The following TET1 variants were observed in gnomAD, a reference collection of about 807,000 sequenced individuals.
The protein encoded by TET1 is tet methylcytosine dioxygenase 1.
In TET1, 13 loss-of-function variants were observed where a neutral mutation model predicts 148.7. The ratio of observed to expected loss-of-function variants is 0.09; its 90% CI spans 0.06 to 0.14. The LOEUF is 0.14. TET1 is among the 10% of genes least tolerant of loss of function. The pLI, the probability that TET1 is intolerant of heterozygous loss-of-function variation, is 1.00. For missense variants in TET1, 2,182 were observed against 2,553.8 expected, an observed-to-expected ratio of 0.85 and a Z score of 3.14; for synonymous variants, 907 against 937.2, an observed-to-expected ratio of 0.97 and a Z score of 0.59.
intron 6 of TET1, among the ~76,000 whole-genome samples, chr10:68,665,279 C>T (rs1475708531): frequency 9.9e-5 from 2 of 20,248 alleles, no homozygotes; most frequent in African/African-American, 3.0e-4. Context: ...TCAGTTTACA[C>T]ATACACACAC....
At position 68,690,826 on chromosome 10, in the gene TET1, T is replaced by G; in HGVS notation, c.5423T>G (p.Val1808Gly). The G allele has an allele frequency of 6.2e-7, 1 of 1,609,204 alleles. No homozygotes were observed. Among genetic ancestry groups the G allele is most frequent in the Middle Eastern group, 1.7e-4 (1 of 6,042 alleles). Residue 1808 changes from valine to glycine, a missense_variant, in exon 12 of 12, where the codon GTG becomes GGG. By Grantham distance (109) the Val-to-Gly change is moderately radical. Around this residue, in one of 11 missense-constraint regions of TET1, gnomAD observed 380 missense variants for 387.9 expected, o/e 0.98. Coordinates refer to ENST00000373644, the MANE Select transcript of TET1 (RefSeq NM_030625.3). ...TGTTTAGGGAGTAACACTGAGACCG[T>G]GCAACCTGAAGTAAAAAGTGAAACC... Reference protein sequence around the residue: ...LPTLGSNTETVQPEVKSETEP... With the variant: ...LPTLGSNTETGQPEVKSETEP...
intron 2 of TET1, among the ~76,000 whole-genome samples, chr10:68,595,326 C>A (rs1231347128): frequency 6.6e-6 from 1 of 151,896 alleles, no homozygotes; most frequent in African/African-American, 2.4e-5. Context: ...AAAATTGTAG[C>A]CCCCAAAATC....
intron 8 of TET1, among the ~76,000 whole-genome samples, chr10:68,678,607 G>A (rs541874793): frequency 2.6e-5 from 4 of 151,678 alleles, no homozygotes; most frequent in South Asian, 2.1e-4. Flanking sequence ...AAAATTAGCC[G>A]GGCATGGTGG....
chr10:68,691,597 A>G lies in TET1; in HGVS notation c.6194A>G (p.Lys2065Arg). 1 of 1,614,196 alleles carries G rather than the reference A, an allele frequency of 6.2e-7. No individual in the cohort carries two copies. Among genetic ancestry groups the G allele is most frequent in the Non-Finnish European group, 8.5e-7 (1 of 1,180,036 alleles). ...CCCCAACATGGTTTTGAACTAAACA[A>G]GATTAAGTTTGAGGCTAAAGAAGCT... ...NKPQHGFELN[K>R]IKFEAKEAKN... Residue 2065 changes from lysine (K) to arginine (R), a missense_variant, in exon 12 of 12, where the codon AAG becomes AGG. Around this residue, in one of 11 missense-constraint regions of TET1, gnomAD observed 54 missense variants for 44.4 expected, o/e 1.22. Transcript: ENST00000373644. The surrounding 1 kb of genome is among the most constrained non-coding windows in gnomAD (Gnocchi z 4.4).
intron 3 of TET1, among the ~76,000 whole-genome samples, chr10:68,603,573 C>A (rs763488891): frequency 3.0e-4 from 45 of 152,064 alleles, no homozygotes; most frequent in Non-Finnish European, 4.6e-4. Context: ...GAGTTTGAGA[C>A]CAGCCTGCAA....
chr10:68,598,764 C>A (rs2105336), intron 2 of TET1, among the ~76,000 whole-genome samples: 19,911 of 146,442 alleles, frequency 0.14, 1,705 homozygotes, highest in South Asian at 0.24. Flanking sequence ...CGGTGGTGCT[C>A]ACTGCAACTA....
chr10:68,694,248 G>C lies in TET1; in HGVS notation c.*2434G>C, dbSNP rs527498039. 4.3e-6 allele frequency: 1 copy of C among 232,718 alleles called. No individual in the cohort carries two copies. Among genetic ancestry groups the C allele is most frequent in the East Asian group, 6.1e-5 (1 of 16,430 alleles). The allele number at this position is 232,718 out of a possible 1,614,324, so 14.4% of individuals were successfully genotyped here. ...ATTCCGTTGTTGTAGTTAACATCAT[G>C]AATGGACTTCTTAAGCTGATTACCC... On this transcript the variant is annotated 3_prime_UTR_variant, in exon 12 of 12. Coordinates refer to ENST00000373644, the MANE Select transcript of TET1 (RefSeq NM_030625.3).
chr10:68,567,717 A>G (rs2053622944), intron 1 of TET1, among the ~76,000 whole-genome samples: 1 of 150,970 alleles, frequency 6.6e-6, no homozygotes, highest in South Asian at 2.1e-4. Context: ...GTGCCATTGA[A>G]CTCCAGCCTG....
chr10:68,674,372 G>A, intron 8 of TET1: 1 of 241,752 alleles, frequency 4.1e-6, no homozygotes, highest in South Asian at 5.7e-5. Flanking sequence ...GAGCCAAGAA[G>A]AAAGTGCTTG....
intron 2 of TET1, among the ~76,000 whole-genome samples, chr10:68,586,489 T>TTTTTG (rs1554931425): frequency 6.7e-6 from 1 of 149,762 alleles, no homozygotes; most frequent in Non-Finnish European, 1.5e-5. Context: ...GCTAACGTTT[T>TTTTTG]TTTTTTTTTT....
chr10:68,580,793 A>ATAT (rs1271323655), intron 2 of TET1, among the ~76,000 whole-genome samples: 17 of 126,546 alleles, frequency 1.3e-4, no homozygotes, highest in African/African-American at 4.9e-4. Context: ...AAAAAAAAAA[A>ATAT]AAAAAAAAAA....
chr10:68,677,297 C>A (rs537237669), intron 8 of TET1, among the ~76,000 whole-genome samples: 1 of 152,210 alleles, frequency 6.6e-6, no homozygotes, highest in South Asian at 2.1e-4. Context: ...TAGGCATCCA[C>A]CCTATAGTCC....
At chr10:68,607,554 TC>T (rs1297518522) in intron 3 of TET1, among the ~76,000 whole-genome samples, 1 of 151,788 alleles carries the variant, frequency 6.6e-6, no homozygotes, top group Non-Finnish European at 1.5e-5. Context: ...AGCCTCAGCC[TC>T]CCAAATAGCT....
chr10:68,609,231 G>A (rs2054171569), intron 3 of TET1, among the ~76,000 whole-genome samples: 2 of 151,704 alleles, frequency 1.3e-5, no homozygotes, highest in Admixed American at 1.3e-4. Flanking sequence ...GCGTGATCTT[G>A]GCTCACTGCA....
intron 2 of TET1, among the ~76,000 whole-genome samples, chr10:68,585,002 TG>T (rs1288126732): frequency 6.6e-6 from 1 of 151,768 alleles, no homozygotes; most frequent in African/African-American, 2.4e-5. Context: ...TTTGTGTTTT[TG>T]TTTTGTTTTG....
intron 3 of TET1, among the ~76,000 whole-genome samples, chr10:68,626,834 C>G (rs1257861332): frequency 6.6e-6 from 1 of 152,100 alleles, no homozygotes; most frequent in Admixed American, 6.6e-5. Flanking sequence ...CAGATGCAAG[C>G]TACTATGACT....
rs1372200378 is a variant in TET1, at chr10:68,645,082, A to G, written c.2353A>G (p.Thr785Ala). 7 of 1,612,034 alleles carry G rather than the reference A, an allele frequency of 4.3e-6. No individual in the cohort carries two copies. The Admixed American group carries it at 1.2e-4, about 27-fold the overall frequency. Residue 785 changes from threonine (T) to alanine (A), a missense_variant, in exon 4 of 12, where the codon ACA becomes GCA. By Grantham distance (58) the Thr-to-Ala change is moderately conservative. Transcript: ENST00000373644. The part of the protein sequence containing the change: ...KKFNIEEFGK[T>A]LENNSYKFLK... ...ATTCAATATTGAAGAATTCGGCAAGACATTGGAAAACAATTCTTATAAATT... is the reference window on the plus strand; with the variant it reads ...ATTCAATATTGAAGAATTCGGCAAGGCATTGGAAAACAATTCTTATAAATT...
At chr10:68,661,714 G>A (rs1324374741) in intron 6 of TET1, among the ~76,000 whole-genome samples, 1 of 151,472 alleles carries the variant, frequency 6.6e-6, no homozygotes, top group Non-Finnish European at 1.5e-5. Context: ...TTAACTCCTG[G>A]GCTCAAGAAA....
At chr10:68,590,478 T>C (rs2132838983) in intron 2 of TET1, among the ~76,000 whole-genome samples, 1 of 152,282 alleles carries the variant, frequency 6.6e-6, no homozygotes, top group African/African-American at 2.4e-5. Context: ...CTAATGTTAG[T>C]ATTTCCCCCC....
Sources: gnomAD v4.1 joint callset for allele counts (sites outside exome capture counted in the v4.1 genomes callset) on GRCh38, gnomAD v4.1.1 for gene constraint, gnomAD v4.1.1 regional missense constraint, Gnocchi (gnomAD v3.1) non-coding constraint, MANE v1.5 for transcripts, NCBI Gene and HGNC (gene_info 2026-07-23, HGNC 2026-07-21) for gene names.